The following PTPRD variants were observed in gnomAD, a reference collection of about 807,000 sequenced individuals.
PTPRD encodes the protein protein tyrosine phosphatase receptor type D, also known as receptor-type tyrosine-protein phosphatase delta.
Under a neutral mutation model 214.5 loss-of-function variants are expected in PTPRD, and 34 were observed. The observed-to-expected ratio is 0.16, with a 90% confidence interval of 0.12 to 0.21. PTPRD has a LOEUF of 0.21. PTPRD is among the 10% of genes least tolerant of loss of function. The pLI is 1.00. For missense variants in PTPRD, 2,545 were observed against 2,398.7 expected (o/e 1.06, Z -1.27); for synonymous variants, 1,128 against 845.7 (o/e 1.33, Z -5.79).
At chr9:10,223,842 T>A (rs1424789621) in intron 3 of PTPRD, among the ~76,000 whole-genome samples, 1 of 151,332 alleles carries the variant, frequency 6.6e-6, no homozygotes. Context: ...CTTTTGCAAA[T>A]CCTGGAAAAG....
chr9:10,066,361 A>G (rs556013785), intron 3 of PTPRD, among the ~76,000 whole-genome samples: 1 of 151,848 alleles, frequency 6.6e-6, no homozygotes, highest in South Asian at 2.1e-4. Context: ...CTGATTTACA[A>G]CCATGGTTCC....
rs548563186 is a variant in PTPRD at position 8,634,804 on chromosome 9, A to T, written c.211-1346T>A. On this transcript the variant is annotated intron_variant, in intron 13 of 45. Coordinates refer to ENST00000381196, the MANE Select transcript of PTPRD (RefSeq NM_002839.4). Reference sequence around the variant, plus strand: ...GTTGACTAATTTATTAATAAATGTCATTGTATGTTTACATTTGTGAACTAT... The same window carrying T: ...GTTGACTAATTTATTAATAAATGTCTTTGTATGTTTACATTTGTGAACTAT... Among the ~76,000 whole-genome samples the T allele has an allele frequency of 1.5e-4, 23 of 151,996 alleles. No homozygotes were observed. In the East Asian group the frequency reaches 4.3e-3, roughly 28 times the overall value.
chr9:9,618,071 C>CAAAAAAAAA lies in PTPRD; in HGVS notation c.-286-43299_-286-43291dup, dbSNP rs34125624. Among the ~76,000 whole-genome samples, 37 of 23,024 alleles carry CAAAAAAAAA rather than the reference C, an allele frequency of 1.6e-3. 3 individuals are homozygous for CAAAAAAAAA. Among genetic ancestry groups the CAAAAAAAAA allele is most frequent in the African/African-American group, 2.9e-3 (20 of 6,826 alleles). The allele number at this position is 23,024 out of a possible 152,430, so 15.1% of individuals were successfully genotyped here. On this transcript the variant is annotated intron_variant, in intron 7 of 45. Transcript: ENST00000381196. ...TGGGCGACAGAGCGAGACTCCATCT[C>CAAAAAAAAA]AAAAAAAAAAAAAAAAAAAAAAAAA...
chr9:10,196,954 G>A (rs1438105679), intron 3 of PTPRD, among the ~76,000 whole-genome samples: 2 of 152,112 alleles, frequency 1.3e-5, no homozygotes, highest in Non-Finnish European at 2.9e-5. Context: ...TATGAACAAA[G>A]AAGATGGCCC....
intron 30 of PTPRD, among the ~76,000 whole-genome samples, chr9:8,473,681 T>C (rs1318195814): frequency 6.6e-6 from 1 of 151,742 alleles, no homozygotes; most frequent in Admixed American, 6.6e-5. Flanking sequence ...GCCATTCTTG[T>C]ACATGAAAAA....
chr9:10,074,072 C>A (rs1423168651), intron 3 of PTPRD, among the ~76,000 whole-genome samples: 2 of 152,076 alleles, frequency 1.3e-5, no homozygotes, highest in Non-Finnish European at 1.5e-5. Flanking sequence ...CTTGTGTAAG[C>A]TGTCACAGAA....
chr9:9,148,609 G>C (rs1241121753), intron 10 of PTPRD, among the ~76,000 whole-genome samples: 1 of 152,180 alleles, frequency 6.6e-6, no homozygotes, highest in East Asian at 1.9e-4. Flanking sequence ...TGTGAGGACA[G>C]ATGAGGATGA....
chr9:9,039,427 C>T (rs1188376684), intron 10 of PTPRD, among the ~76,000 whole-genome samples: 4 of 152,134 alleles, frequency 2.6e-5, no homozygotes, highest in South Asian at 2.1e-4. Flanking sequence ...ATACTTATCT[C>T]GATGACTCTA....
chr9:8,356,151 T>C (rs1782419211), intron 39 of PTPRD, among the ~76,000 whole-genome samples: 1 of 152,184 alleles, frequency 6.6e-6, no homozygotes, highest in Non-Finnish European at 1.5e-5. Context: ...TCCAGATACC[T>C]GAAAATATAT....
At chr9:8,838,126 T>G (rs1313938841) in intron 11 of PTPRD, among the ~76,000 whole-genome samples, 4 of 151,850 alleles carry the variant, frequency 2.6e-5, no homozygotes, top group Non-Finnish European at 4.4e-5. Flanking sequence ...ACTCCAATAA[T>G]TGAAAGGTTA....
intron 7 of PTPRD, among the ~76,000 whole-genome samples, chr9:9,651,151 G>C (rs761978802): frequency 7.2e-5 from 11 of 152,062 alleles, no homozygotes; most frequent in Non-Finnish European, 1.2e-4. Flanking sequence ...ATTGGTTCTT[G>C]TGTAAAATAC....
chr9:10,355,082 T>C (rs750955198), intron 2 of PTPRD, among the ~76,000 whole-genome samples: 166 of 152,340 alleles, frequency 1.1e-3, no homozygotes, highest in Non-Finnish European at 1.2e-3. Context: ...ATATTTCTAC[T>C]TTGGCAAATT....
chr9:9,833,284 G>A (rs1343762980), intron 5 of PTPRD, among the ~76,000 whole-genome samples: 1 of 151,926 alleles, frequency 6.6e-6, no homozygotes, highest in Non-Finnish European at 1.5e-5. Context: ...GGGCATCCGG[G>A]GGAAACATCA....
At chr9:9,606,407 GT>G (rs1009196398) in intron 7 of PTPRD, among the ~76,000 whole-genome samples, 1 of 151,870 alleles carries the variant, frequency 6.6e-6, no homozygotes. Flanking sequence ...AAAATCTGGT[GT>G]TTTTTTGTTA....
intron 14 of PTPRD, among the ~76,000 whole-genome samples, chr9:8,609,138 A>G (rs1339864430): frequency 2.0e-5 from 3 of 152,212 alleles, no homozygotes; most frequent in Non-Finnish European, 4.4e-5. Flanking sequence ...AATGAATGTA[A>G]TTTTAATATT....
At chr9:10,562,276 T>C (rs926533894) in intron 2 of PTPRD, among the ~76,000 whole-genome samples, 5 of 152,064 alleles carry the variant, frequency 3.3e-5, no homozygotes, top group Admixed American at 3.3e-4. Context: ...GAGTATTCAG[T>C]TCTTCTTCAA....
chr9:10,297,811 C>A (rs923439651), intron 3 of PTPRD, among the ~76,000 whole-genome samples: 2 of 152,066 alleles, frequency 1.3e-5, no homozygotes, highest in African/African-American at 4.8e-5. Flanking sequence ...TAAGTATCTG[C>A]TTGAATGTTT....
At chr9:9,282,304 G>A (rs1569567048) in intron 9 of PTPRD, among the ~76,000 whole-genome samples, 1 of 151,168 alleles carries the variant, frequency 6.6e-6, no homozygotes, top group Non-Finnish European at 1.5e-5. Context: ...TGATAATGGG[G>A]CAGGATATGT....
intron 45 of PTPRD, among the ~76,000 whole-genome samples, chr9:8,318,328 G>A (rs968768288): frequency 7.9e-5 from 12 of 152,052 alleles, no homozygotes; most frequent in Non-Finnish European, 8.8e-5. Flanking sequence ...GCTTATTCAA[G>A]ATAACTAATT....
Sources: allele counts gnomAD v4.1 joint callset (sites outside exome capture counted in the v4.1 genomes callset), GRCh38; gene constraint gnomAD v4.1.1; transcripts MANE v1.5; gene names NCBI Gene and HGNC (gene_info 2026-07-23, HGNC 2026-07-21).